Variants in AGMO observed in about 807,000 individuals in gnomAD.
AGMO encodes alkylglycerol monooxygenase, also known as glyceryl-ether monooxygenase.
Under a neutral mutation model 60.2 loss-of-function variants are expected in AGMO, and 75 were observed. The ratio of observed to expected loss-of-function variants is 1.25; its 90% CI spans 1.03 to 1.51. AGMO has a LOEUF of 1.51. Among genes scored for constraint, AGMO ranks in the 40% most tolerant of loss-of-function variants. AGMO has a pLI of 0.00. For synonymous variants in AGMO, 261 were observed against 177.1 expected (o/e 1.47, Z -3.76); for missense variants, 763 against 525.5 (o/e 1.45, Z -4.42).
intron 12 of AGMO, among the ~76,000 whole-genome samples, chr7:15,264,073 A>G (rs1041841306): frequency 1.3e-5 from 2 of 151,900 alleles, no homozygotes; most frequent in Admixed American, 6.6e-5. Context: ...ATAAAAAATG[A>G]AAAATTTATA....
chr7:15,183,035 G>T, the AGMO span, among the ~76,000 whole-genome samples: 1 of 151,882 alleles, frequency 6.6e-6, no homozygotes, highest in Non-Finnish European at 1.5e-5. Context: ...CCTCCCACCA[G>T]GTCTCACCTT....
intron 3 of AGMO, among the ~76,000 whole-genome samples, chr7:15,440,719 G>A (rs1302672089): frequency 6.6e-6 from 1 of 152,126 alleles, no homozygotes; most frequent in Non-Finnish European, 1.5e-5. Flanking sequence ...TTTATTACAT[G>A]TTGCCAACCT....
At chr7:15,348,757 T>G (rs1406220048) in intron 12 of AGMO, among the ~76,000 whole-genome samples, 4 of 152,076 alleles carry the variant, frequency 2.6e-5, no homozygotes, top group Non-Finnish European at 5.9e-5. Context: ...GATGCTCCAT[T>G]GCAGGTTGAA....
chr7:15,157,469 C>T, the AGMO span, among the ~76,000 whole-genome samples: 1 of 152,184 alleles, frequency 6.6e-6, no homozygotes, highest in East Asian at 1.9e-4. Flanking sequence ...GAGGTATCTG[C>T]AGGTACATTC....
At chr7:15,185,832 A>G in the AGMO span, among the ~76,000 whole-genome samples, 5 of 152,216 alleles carry the variant, frequency 3.3e-5, no homozygotes, top group Non-Finnish European at 7.3e-5. Context: ...GAGACTTATT[A>G]AATTGGCCTA....
chr7:15,296,644 T>C (rs1328811793), intron 12 of AGMO, among the ~76,000 whole-genome samples: 1 of 152,114 alleles, frequency 6.6e-6, no homozygotes, highest in Non-Finnish European at 1.5e-5. Flanking sequence ...ATAACAGCAA[T>C]ACAAACACAT....
chr7:15,235,174 C>A (rs1165018930), intron 12 of AGMO, among the ~76,000 whole-genome samples: 3 of 151,984 alleles, frequency 2.0e-5, no homozygotes, highest in East Asian at 1.9e-4. Flanking sequence ...TGTGTTTTAT[C>A]CAACATTTCT....
At chr7:15,423,805 G>T (rs1269336512) in intron 4 of AGMO, among the ~76,000 whole-genome samples, 1 of 152,076 alleles carries the variant, frequency 6.6e-6, no homozygotes, top group East Asian at 1.9e-4. Context: ...TTTAGGTGGG[G>T]GGCATGGAAC....
chr7:15,532,781 A>G (rs1784401879), intron 3 of AGMO, among the ~76,000 whole-genome samples: 1 of 152,164 alleles, frequency 6.6e-6, no homozygotes, highest in Non-Finnish European at 1.5e-5. Context: ...TCTTAAGCCC[A>G]GAAGTTCAAG....
intron 3 of AGMO, among the ~76,000 whole-genome samples, chr7:15,480,090 G>T (rs982034810): frequency 3.3e-5 from 5 of 152,100 alleles, no homozygotes; most frequent in African/African-American, 1.2e-4. Flanking sequence ...ACTATAGCCT[G>T]AGAAGATGTT....
intron 4 of AGMO, among the ~76,000 whole-genome samples, chr7:15,428,708 CAAT>C (rs747137481): frequency 1.4e-4 from 21 of 152,124 alleles, no homozygotes; most frequent in Non-Finnish European, 2.9e-4. Flanking sequence ...GTTCTGAAGT[CAAT>C]GATGCTCTGA....
intron 12 of AGMO, among the ~76,000 whole-genome samples, chr7:15,222,604 C>T (rs1781954514): frequency 6.6e-6 from 1 of 151,966 alleles, no homozygotes; most frequent in Admixed American, 6.6e-5. Flanking sequence ...TGTCTATTAA[C>T]CTATCCTCTT....
At chr7:15,276,595 A>T (rs1234639282) in intron 12 of AGMO, among the ~76,000 whole-genome samples, 5 of 152,154 alleles carry the variant, frequency 3.3e-5, no homozygotes, top group African/African-American at 1.2e-4. Context: ...AGCAAAATCA[A>T]GAAAATTTTT....
intron 5 of AGMO, among the ~76,000 whole-genome samples, chr7:15,409,872 G>A (rs539842859): frequency 2.0e-5 from 3 of 151,822 alleles, no homozygotes; most frequent in African/African-American, 7.2e-5. Flanking sequence ...GGCCCAGGGT[G>A]AGTTATTCAG....
At chr7:15,468,379 CACTT>C (rs1194914757) in intron 3 of AGMO, among the ~76,000 whole-genome samples, 4 of 152,056 alleles carry the variant, frequency 2.6e-5, no homozygotes, top group East Asian at 3.9e-4. Context: ...AAAGCAAACT[CACTT>C]ACATTTGAAA....
At chr7:15,365,721 T>C (rs1459014941) in intron 11 of AGMO, 102 bp from the exon 12 acceptor site, 1 of 741,610 alleles carries the variant, frequency 1.3e-6, no homozygotes, top group African/African-American at 1.8e-5. Flanking sequence ...AAATACCTAG[T>C]ATTTTAATAT....
rs375942815 is a variant in AGMO, at chr7:15,221,884, A to AT, written c.1264-20526dup. On this transcript the variant is annotated intron_variant, in intron 12 of 12. Coordinates refer to ENST00000342526, the MANE Select transcript of AGMO (RefSeq NM_001004320.2). The stretch of plus-strand genomic sequence containing the variant: ...TATGTTGTGCAATTTCACCAATTTC[A>AT]TAACAATTTCTGTATGTAAAAGGCA... Among the ~76,000 whole-genome samples the AT allele has an allele frequency of 2.2e-3, 339 of 152,288 alleles. 1 individual carries two copies. Among genetic ancestry groups the AT allele is most frequent in the African/African-American group, 7.7e-3 (321 of 41,576 alleles).
intron 12 of AGMO, among the ~76,000 whole-genome samples, chr7:15,273,763 G>A (rs1055031976): frequency 7.2e-5 from 11 of 152,176 alleles, no homozygotes; most frequent in African/African-American, 2.7e-4. Context: ...AACATGGAAT[G>A]TTCTTCCATT....
In AGMO at chr7:15,480,982, T is replaced by A. The variant is rs77425929; in HGVS notation, c.410-49874A>T. On this transcript the variant is annotated intron_variant, in intron 3 of 12. Transcript: ENST00000342526. Reference sequence around the variant, plus strand: ...AAGCATAATTAATGTATAAACATTATGTTTATACACAATTAATGTATAAAC... The same window carrying A: ...AAGCATAATTAATGTATAAACATTAAGTTTATACACAATTAATGTATAAAC... Among the ~76,000 whole-genome samples, 1,161 of 152,274 alleles carry A rather than the reference T, an allele frequency of 7.6e-3. 18 individuals carry two copies. Among genetic ancestry groups the A allele is most frequent in the African/African-American group, 0.027 (1,127 of 41,578 alleles).
Sources: allele counts gnomAD v4.1 joint callset (sites outside exome capture counted in the v4.1 genomes callset), GRCh38; gene constraint gnomAD v4.1.1; transcripts MANE v1.5; gene names NCBI Gene and HGNC (gene_info 2026-07-23, HGNC 2026-07-21).